SNX8: variants seen among roughly 807,000 people sequenced by gnomAD.
SNX8 encodes sorting nexin 8.
SNX8 carries 25 observed loss-of-function variants against 51.6 expected under a neutral mutation model. That is an observed-to-expected ratio of 0.48 (90% CI 0.35 to 0.68). SNX8 has a LOEUF of 0.68. Ranked by LOEUF, SNX8 falls within the 30% of genes least tolerant of loss-of-function variation. The probability of loss-of-function intolerance (pLI) is 0.00; values close to 1 mark genes in which losing one functional copy is unlikely to be tolerated. For missense variants in SNX8, 695 were observed against 624.0 expected (o/e 1.11, Z -1.21); for synonymous variants, 324 against 277.0 (o/e 1.17, Z -1.68).
chr7:2,264,284 G>C lies in SNX8; in HGVS notation c.782+14C>G. On this transcript the variant is annotated intron_variant, in intron 6 of 10. Transcript: ENST00000222990. ...CACCGCGCGTGCCCCTGCAGAAGCT[G>C]AAAGGTCACCTACCTTAGCTCCTTC... 6.2e-7 allele frequency: 1 copy of C among 1,602,190 alleles called. No individual in the cohort carries two copies. Among genetic ancestry groups the C allele is most frequent in the South Asian group, 1.1e-5 (1 of 90,860 alleles).
At chr7:2,271,745 C>A (rs1429842486) in intron 4 of SNX8, 105 bp downstream of exon 4, 8 of 1,340,976 alleles carry the variant, frequency 6.0e-6, no homozygotes, top group Non-Finnish European at 8.1e-6. Flanking sequence ...GGCGTCCAAA[C>A]AAGGGACCAG....
intron 1 of SNX8, among the ~76,000 whole-genome samples, chr7:2,306,150 T>G (rs1796539950): frequency 6.6e-6 from 1 of 151,980 alleles, no homozygotes; most frequent in African/African-American, 2.4e-5. Context: ...TTTTTGTTTG[T>G]TTTTTGTTTT....
At position 2,314,339 on chromosome 7, in the gene SNX8, G is replaced by T; in HGVS notation, c.83C>A (p.Pro28His). Residue 28 changes from proline (P) to histidine (H), a missense_variant, in exon 1 of 11, where the codon CCC becomes CAC. Pro to His is a moderately conservative substitution (Grantham distance 77). Transcript: ENST00000222990. ...AEAEADEEADPPASDLPTPQA... is the reference protein window; with the variant it reads ...AEAEADEEADHPASDLPTPQA... ...GCCCCACGCCCTACCTGACGCCGGG[G>T]GATCCGCCTCCTCGTCAGCCTCCGC... 8.2e-7 allele frequency: 1 copy of T among 1,223,518 alleles called. No homozygotes were observed. Among genetic ancestry groups the T allele is most frequent in the Non-Finnish European group, 1.0e-6 (1 of 982,458 alleles). 75.8% of individuals were successfully genotyped at this position (1,223,518 alleles called of 1,614,324 possible).
intron 1 of SNX8, among the ~76,000 whole-genome samples, chr7:2,310,255 G>GA (rs898007251): frequency 2.2e-4 from 34 of 152,088 alleles, no homozygotes; most frequent in Middle Eastern, 3.4e-3. Context: ...AACAGGCCCT[G>GA]AAAAAAACCC....
At chr7:2,331,381 TG>T in intron 1 of SNX8, among the ~76,000 whole-genome samples, 1 of 151,654 alleles carries the variant, frequency 6.6e-6, no homozygotes, top group Admixed American at 6.6e-5. Flanking sequence ...GATGTACTAT[TG>T]GAAAATAAAC....
intron 1 of SNX8, among the ~76,000 whole-genome samples, chr7:2,312,762 C>A (rs1025723798): frequency 6.6e-6 from 1 of 152,142 alleles, no homozygotes; most frequent in African/African-American, 2.4e-5. Context: ...TTGTCCCCCC[C>A]CACCAAGAAG....
At chr7:2,317,762 G>A (rs141759746), upstream of SNX8, among the ~76,000 whole-genome samples, 60 of 152,084 alleles carry the variant, frequency 3.9e-4, no homozygotes, top group African/African-American at 1.3e-3. Flanking sequence ...TAGGGTCCCC[G>A]CACACCAGGA....
Position 2,293,930 on chromosome 7 carries a change from C to T in SNX8, c.95-15625G>A, listed in dbSNP as rs532948301. Reference sequence around the variant, plus strand: ...GCAGTGAGCCGAGATCACACCAGTGCACTCCAGCCTGGGCAACAAGAGTGA... The same window carrying T: ...GCAGTGAGCCGAGATCACACCAGTGTACTCCAGCCTGGGCAACAAGAGTGA... On this transcript the variant is annotated intron_variant, in intron 1 of 10. Coordinates refer to ENST00000222990, the MANE Select transcript of SNX8 (RefSeq NM_013321.4). 4.0e-5 allele frequency among the ~76,000 whole-genome samples: 6 copies of T among 151,492 alleles called. No homozygotes were observed. In the South Asian group the frequency reaches 6.3e-4, roughly 16 times the overall value.
At chr7:2,266,592 G>A (rs1300189416) in intron 5 of SNX8, among the ~76,000 whole-genome samples, 6 of 152,112 alleles carry the variant, frequency 3.9e-5, no homozygotes, top group South Asian at 2.1e-4. Context: ...TGATCCACCC[G>A]CCTCGGCCTC....
upstream of SNX8, among the ~76,000 whole-genome samples, chr7:2,315,539 GCATT>G (rs544049994): frequency 3.1e-3 from 460 of 148,144 alleles, 7 homozygotes; most frequent in South Asian, 0.013. Context: ...ACTGCATCCT[GCATT>G]CATTCATCCA....
chr7:2,253,423 G>C lies in SNX8; in HGVS notation c.*1633C>G, dbSNP rs193217719. On this transcript the variant is annotated 3_prime_UTR_variant, in exon 11 of 11. Transcript: ENST00000222990. The stretch of plus-strand genomic sequence containing the variant: ...CACGGGGTCACGCTTCATGGCTCGG[G>C]TGTCATGGTGCCATTCATGGCAACT... The C allele has an allele frequency of 1.0e-3, 160 of 152,490 alleles. No homozygotes were observed. Among genetic ancestry groups the C allele is most frequent in the Non-Finnish European group, 2.0e-3 (137 of 68,154 alleles). 9.4% of individuals were successfully genotyped at this position (152,490 alleles called of 1,614,324 possible). A position where few individuals can be genotyped will look rare whatever the true frequency, so the allele number is the denominator to read the frequency against.
At chr7:2,283,308 T>C (rs58921703) in intron 1 of SNX8, among the ~76,000 whole-genome samples, 96,477 of 152,006 alleles carry the variant, frequency 0.63, 31,044 homozygotes, top group Admixed American at 0.7. Context: ...AGCTGTTGCC[T>C]GGAGGCCAAG....
chr7:2,282,311 T>C (rs1346298954), intron 1 of SNX8, among the ~76,000 whole-genome samples: 3 of 152,162 alleles, frequency 2.0e-5, no homozygotes, highest in Admixed American at 6.5e-5. Flanking sequence ...GGAGTCACAC[T>C]TGGATGCTGC....
chr7:2,269,391 T>TAAAA (rs1562428392), intron 5 of SNX8, among the ~76,000 whole-genome samples, 168 bp downstream of exon 5: 26 of 148,928 alleles, frequency 1.7e-4, no homozygotes, highest in African/African-American at 6.4e-4. Context: ...GGCCGCAGGG[T>TAAAA]CCTCTGCCTA....
At chr7:2,305,985 G>A (rs1796535453) in intron 1 of SNX8, among the ~76,000 whole-genome samples, 1 of 152,104 alleles carries the variant, frequency 6.6e-6, no homozygotes, top group Non-Finnish European at 1.5e-5. Flanking sequence ...ACAGATCTGG[G>A]TGCCTTCTTC....
intron 1 of SNX8, among the ~76,000 whole-genome samples, chr7:2,301,371 C>T (rs1002854042): frequency 1.1e-4 from 17 of 152,158 alleles, no homozygotes; most frequent in Non-Finnish European, 1.9e-4. Flanking sequence ...CCCCCAAATT[C>T]GGGCTTAGCC....
upstream of SNX8, among the ~76,000 whole-genome samples, chr7:2,316,074 C>T (rs1200717610): frequency 2.0e-5 from 3 of 151,166 alleles, no homozygotes; most frequent in South Asian, 4.2e-4. Flanking sequence ...CACCCACTCA[C>T]TCATGCACTT....
At chr7:2,289,149 C>T (rs994036227) in intron 1 of SNX8, among the ~76,000 whole-genome samples, 1 of 152,154 alleles carries the variant, frequency 6.6e-6, no homozygotes, top group African/African-American at 2.4e-5. Flanking sequence ...GCGATGGCTG[C>T]CCCTGTGGTG....
intron 2 of SNX8, among the ~76,000 whole-genome samples, chr7:2,276,859 T>G (rs986997639): frequency 3.4e-5 from 5 of 148,242 alleles, no homozygotes; most frequent in Non-Finnish European, 6.0e-5. Flanking sequence ...GTGGGAGGGT[T>G]GCTTGAGCCT....
Sources: gnomAD v4.1 joint callset for allele counts (sites outside exome capture counted in the v4.1 genomes callset) on GRCh38, gnomAD v4.1.1 for gene constraint, MANE v1.5 for transcripts, NCBI Gene and HGNC (gene_info 2026-07-23, HGNC 2026-07-21) for gene names.